Variants in ASTN1 observed in about 807,000 individuals in gnomAD.
The protein encoded by ASTN1 is astrotactin-1.
Under a neutral mutation model 140.7 loss-of-function variants are expected in ASTN1, and 41 were observed. The observed-to-expected ratio is 0.29, with a 90% CI of 0.23 to 0.38. The LOEUF (loss-of-function observed/expected upper bound fraction) is 0.38. Among genes scored for constraint, ASTN1 ranks in the 10% least tolerant of loss-of-function variants. The pLI, the probability that ASTN1 is intolerant of heterozygous loss-of-function variation, is 1.00. For missense variants in ASTN1, 1,479 were observed against 1,678.8 expected, an observed-to-expected ratio of 0.88 and a Z score of 2.08; for synonymous variants, 640 against 652.2, an observed-to-expected ratio of 0.98 and a Z score of 0.29.
chr1:177,007,601 G>C (rs1675060975), intron 8 of ASTN1, among the ~76,000 whole-genome samples: 1 of 152,102 alleles, frequency 6.6e-6, no homozygotes, highest in African/African-American at 2.4e-5. Flanking sequence ...TACAGATTCT[G>C]GGCCCTCTCC....
intron 17 of ASTN1, among the ~76,000 whole-genome samples, chr1:176,889,325 C>T (rs191507944): frequency 1.3e-5 from 2 of 152,350 alleles, no homozygotes; most frequent in African/African-American, 2.4e-5. Context: ...AGGACTTTCT[C>T]TCTGGGTGAG....
chr1:176,985,544 G>A (rs1005929418), intron 8 of ASTN1, among the ~76,000 whole-genome samples: 1 of 152,060 alleles, frequency 6.6e-6, no homozygotes, highest in African/African-American at 2.4e-5. Context: ...TGAATGGCAG[G>A]GTTCTGCTTT....
At chr1:177,079,708 T>C (rs1234476945) in intron 1 of ASTN1, among the ~76,000 whole-genome samples, 1 of 152,056 alleles carries the variant, frequency 6.6e-6, no homozygotes, top group Non-Finnish European at 1.5e-5. Context: ...ACAAAGACAC[T>C]TGAAAATACT....
chr1:177,150,492 A>T (rs1337806090), intron 1 of ASTN1, among the ~76,000 whole-genome samples: 1 of 152,178 alleles, frequency 6.6e-6, no homozygotes, highest in Non-Finnish European at 1.5e-5. Flanking sequence ...AAGGTAGTTC[A>T]GGTAAAGGAA....
intron 1 of ASTN1, among the ~76,000 whole-genome samples, chr1:177,125,415 G>A (rs1416803770): frequency 6.6e-6 from 1 of 152,164 alleles, no homozygotes; most frequent in Non-Finnish European, 1.5e-5. Flanking sequence ...TTGTAGAGGA[G>A]AATTAAATGC....
chr1:176,949,042 C>T (rs1557983294), intron 12 of ASTN1, 143 bp downstream of exon 12: 2 of 1,213,730 alleles, frequency 1.6e-6, no homozygotes, highest in East Asian at 2.4e-5. Flanking sequence ...AATGTTCCCC[C>T]CCAAGTCCTA....
chr1:177,126,256 T>G (rs1359357077), intron 1 of ASTN1, among the ~76,000 whole-genome samples: 3 of 152,128 alleles, frequency 2.0e-5, no homozygotes, highest in African/African-American at 7.2e-5. Context: ...CTTGCTCCAT[T>G]TTAGCTGCCC....
At chr1:177,159,228 G>A (rs1326154502) in intron 1 of ASTN1, among the ~76,000 whole-genome samples, 1 of 151,916 alleles carries the variant, frequency 6.6e-6, no homozygotes, top group African/African-American at 2.4e-5. Context: ...AATTTCTGTA[G>A]AGAAACAGTA....
chr1:176,985,754 C>T (rs1235455447), intron 8 of ASTN1, among the ~76,000 whole-genome samples: 1 of 151,852 alleles, frequency 6.6e-6, no homozygotes, highest in Non-Finnish European at 1.5e-5. Flanking sequence ...AGGTATTGAA[C>T]CCTGTTCTCC....
chr1:177,029,466 T>A, intron 5 of ASTN1, 168 bp downstream of exon 5: 1 of 779,070 alleles, frequency 1.3e-6, no homozygotes, highest in Non-Finnish European at 2.3e-6. Flanking sequence ...CACTCTAGGC[T>A]CTTCTTTCTT....
At chr1:176,980,555 C>T (rs146361607) in intron 8 of ASTN1, among the ~76,000 whole-genome samples, 1 of 152,026 alleles carries the variant, frequency 6.6e-6, no homozygotes, top group East Asian at 1.9e-4. Context: ...GGCAGGGTGG[C>T]AGAAAATAAA....
intron 1 of ASTN1, among the ~76,000 whole-genome samples, chr1:177,157,571 C>T (rs1242042259): frequency 6.6e-6 from 1 of 152,074 alleles, no homozygotes; most frequent in Non-Finnish European, 1.5e-5. Flanking sequence ...CACCTGGCTT[C>T]CTGAAGTGCT....
At chr1:177,104,218 G>A (rs1288086285) in intron 1 of ASTN1, among the ~76,000 whole-genome samples, 1 of 152,084 alleles carries the variant, frequency 6.6e-6, no homozygotes, top group Non-Finnish European at 1.5e-5. Flanking sequence ...CAACCACAGA[G>A]GTTACAGCCC....
intron 16 of ASTN1, among the ~76,000 whole-genome samples, chr1:176,922,778 A>C (rs1178505320): frequency 2.0e-5 from 3 of 152,116 alleles, no homozygotes; most frequent in African/African-American, 7.2e-5. Context: ...AGTGTTGTAC[A>C]AACAGTGAAT....
chr1:176,943,849 C>A, intron 14 of ASTN1, 42 bp downstream of exon 14: 1 of 1,539,482 alleles, frequency 6.5e-7, no homozygotes, highest in Non-Finnish European at 8.7e-7. Flanking sequence ...CAGGGAGCTG[C>A]CTGTTTGTGC....
In ASTN1 at chr1:177,121,176, A is replaced by C. The variant is rs533176522; in HGVS notation, c.283+43218T>G. On this transcript the variant is annotated intron_variant, in intron 1 of 22. Coordinates refer to ENST00000361833, the MANE Select transcript of ASTN1 (RefSeq NM_004319.3). Reference sequence around the variant, plus strand: ...GGGTTTCAATAGACTAAGAGATAGGACACCAAATATCATCATAATCCTACA... The same window carrying C: ...GGGTTTCAATAGACTAAGAGATAGGCCACCAAATATCATCATAATCCTACA... Among the ~76,000 whole-genome samples the C allele has an allele frequency of 2.0e-5, 3 of 152,260 alleles. No homozygotes were observed. In the South Asian group the frequency reaches 6.2e-4, roughly 32 times the overall value.
Position 176,992,973 on chromosome 1 carries a change from G to A in ASTN1, c.1523+21818C>T, listed in dbSNP as rs1452147856. On this transcript the variant is annotated intron_variant, in intron 8 of 22. Transcript: ENST00000361833. ...ATAAGAGCAGAGCTCTAATCCAATAGGATTGGCTTCGTTACGAGAAGAGGA... is the reference window on the plus strand; with the variant it reads ...ATAAGAGCAGAGCTCTAATCCAATAAGATTGGCTTCGTTACGAGAAGAGGA... Among the ~76,000 whole-genome samples, 4 of 152,168 alleles carry A rather than the reference G, an allele frequency of 2.6e-5. No individual in the cohort carries two copies. In the South Asian group the frequency reaches 6.2e-4, roughly 24 times the overall value.
intron 1 of ASTN1, among the ~76,000 whole-genome samples, chr1:177,115,581 C>CA (rs1180803282): frequency 6.6e-6 from 1 of 151,634 alleles, no homozygotes; most frequent in Non-Finnish European, 1.5e-5. Flanking sequence ...TGCTTGAACC[C>CA]AGGAGGTGGA....
intron 1 of ASTN1, among the ~76,000 whole-genome samples, chr1:177,095,119 T>A (rs894507503): frequency 6.6e-6 from 1 of 152,196 alleles, no homozygotes. Context: ...CTAAGGAAAG[T>A]ATTGAAGGTG....
Sources: allele counts gnomAD v4.1 joint callset (sites outside exome capture counted in the v4.1 genomes callset), GRCh38; gene constraint gnomAD v4.1.1; transcripts MANE v1.5; gene names NCBI Gene and HGNC (gene_info 2026-07-23, HGNC 2026-07-21).